The following LPCAT1 variants were observed in gnomAD, a reference collection of about 807,000 sequenced individuals.
LPCAT1 encodes the protein 1-acylglycerol-3-phosphate O-acyltransferase.
In LPCAT1, 23 loss-of-function variants were observed where a neutral mutation model predicts 60.9. The observed-to-expected ratio is 0.38, with a 90% CI of 0.27 to 0.53. The LOEUF (loss-of-function observed/expected upper bound fraction) is 0.53, where lower values mean the gene tolerates loss of function less well. Among genes scored for constraint, LPCAT1 ranks in the 20% least tolerant of loss-of-function variants. The pLI is 0.82. For synonymous variants in LPCAT1, 340 were observed against 301.1 expected, an observed-to-expected ratio of 1.13 and a Z score of -1.34; for missense variants, 622 against 723.6, an observed-to-expected ratio of 0.86 and a Z score of 1.61.
chr5:1,473,678 G>A (rs1218414584), intron 11 of LPCAT1, among the ~76,000 whole-genome samples: 3 of 152,210 alleles, frequency 2.0e-5, no homozygotes, highest in Admixed American at 6.5e-5. Context: ...CAGGCTGGGT[G>A]TCACAGTTTG....
At chr5:1,506,677 C>G (rs1161591808) in intron 1 of LPCAT1, among the ~76,000 whole-genome samples, 2 of 152,216 alleles carry the variant, frequency 1.3e-5, no homozygotes, top group Non-Finnish European at 2.9e-5. Context: ...AAAATCCTGG[C>G]TAGACCAGAA....
chr5:1,523,823 G>A lies in LPCAT1; in HGVS notation c.22C>T (p.Pro8Ser), dbSNP rs1579824516. Residue 8 changes from proline (P) to serine (S), a missense_variant, in exon 1 of 14, where the codon CCC (proline) becomes TCC (serine). Physicochemically the swap from Pro to Ser is moderately conservative, Grantham distance 74. This residue lies in a region of LPCAT1 where 125 missense variants were observed against 114.5 expected (regional missense o/e 1.09). Transcript: ENST00000283415. The surrounding 1 kb of genome is among the most constrained non-coding windows in gnomAD (Gnocchi z 7.1). MRLRGCG[P>S]RAAPASSAGA... Reference sequence around the variant, plus strand: ...GCGCTGGAGGCAGGGGCGGCCCGGGGTCCGCATCCCCGCAGCCTCATGGCC... The same window carrying A: ...GCGCTGGAGGCAGGGGCGGCCCGGGATCCGCATCCCCGCAGCCTCATGGCC... The A allele has an allele frequency of 3.7e-6, 4 of 1,084,028 alleles. No homozygotes were observed. The highest frequency in any genetic ancestry group is 1.7e-5 in the African/African-American group (1 of 58,924). The allele number at this position is 1,084,028 out of a possible 1,614,324, so 67.2% of individuals were successfully genotyped here.
intron 1 of LPCAT1, among the ~76,000 whole-genome samples, chr5:1,505,545 G>A (rs1736155798): frequency 9.6e-6 from 1 of 104,056 alleles, no homozygotes; most frequent in African/African-American, 4.8e-5. Context: ...GGGTGGGGAG[G>A]CCCCGCCTGC....
Position 1,463,924 on chromosome 5 carries a change from G to A in LPCAT1, c.1421-89C>T, listed in dbSNP as rs2911481. The stretch of plus-strand genomic sequence containing the variant: ...CTCTTTTCCCACGGCCCTGGTGGGT[G>A]TCCACCTCACGCCCTCCAGGGAGGG... On this transcript the variant is annotated intron_variant, in intron 13 of 13. Transcript: ENST00000283415. The A allele has an allele frequency of 4.8e-3, 6,516 of 1,351,522 alleles. 262 individuals carry two copies. The African/African-American group carries it at 0.085, about 18-fold the overall frequency. 83.7% of individuals were successfully genotyped at this position (1,351,522 alleles called of 1,614,324 possible).
At chr5:1,468,711 C>G (rs1364818661) in intron 12 of LPCAT1, among the ~76,000 whole-genome samples, 5 of 152,220 alleles carry the variant, frequency 3.3e-5, no homozygotes, top group East Asian at 3.8e-4. Context: ...ACAAGGGGCC[C>G]CAAGGCGTAT....
intron 1 of LPCAT1, among the ~76,000 whole-genome samples, chr5:1,509,818 G>A (rs959043608): frequency 6.6e-6 from 1 of 152,154 alleles, no homozygotes. Flanking sequence ...TGAAAAAGTG[G>A]CACCGTGAAC....
rs73735515 is a variant in LPCAT1 at position 1,522,374 on chromosome 5, C to T, written c.135+1336G>A. Among the ~76,000 whole-genome samples the T allele has an allele frequency of 0.12, 18,766 of 152,154 alleles. 1,348 individuals carry two copies. The highest frequency in any genetic ancestry group is 0.26 in the Middle Eastern group (75 of 294). On this transcript the variant is annotated intron_variant, in intron 1 of 13. Transcript: ENST00000283415. This position sits in a 1 kb window ranked among gnomAD's most constrained non-coding sequence, Gnocchi z 6.8. ...GCACACGGCAGCTGACAGCGTGTGGCAGACAGAGGGCCAGGCAGAGCGGCG... is the reference window on the plus strand; with the variant it reads ...GCACACGGCAGCTGACAGCGTGTGGTAGACAGAGGGCCAGGCAGAGCGGCG...
rs778778224 is a variant in LPCAT1, at chr5:1,495,745, G to A, written c.279-831C>T. On this transcript the variant is annotated intron_variant, in intron 2 of 13. Coordinates refer to ENST00000283415, the MANE Select transcript of LPCAT1 (RefSeq NM_024830.5). The surrounding 1 kb of genome is among the most constrained non-coding windows in gnomAD (Gnocchi z 4.7). ...CACTCGGCCACTGGGTTAAGTGGGC[G>A]CATCACACTGGGTAAAACTACTGCA... 4.6e-5 allele frequency among the ~76,000 whole-genome samples: 7 copies of A among 152,268 alleles called. No homozygotes were observed. In the South Asian group the frequency reaches 1.2e-3, roughly 27 times the overall value.
At position 1,463,689 on chromosome 5, in the gene LPCAT1, C is replaced by T. The variant is rs547466871; in HGVS notation, c.1567G>A (p.Asp523Asn). 122 of 1,614,258 alleles carry T rather than the reference C, an allele frequency of 7.6e-5. 2 individuals are homozygous for T. The South Asian group carries it at 1.3e-3, about 17-fold the overall frequency. The change falls in exon 14 of 14, where the codon GAC (aspartate) becomes AAC (asparagine). Residue 523 changes from aspartate (D) to asparagine (N), a missense_variant. Around this residue, in one of 3 missense-constraint regions of LPCAT1, gnomAD observed 288 missense variants for 283.6 expected, o/e 1.02. Coordinates refer to ENST00000283415, the MANE Select transcript of LPCAT1 (RefSeq NM_024830.5). ...TTGCGAACAGGCTTCCGCCCAGCGT[C>T]TGAGTTTTCCGGGCTGAAATCGGCA... ...FCADFSPENS[D>N]AGRKPVRKKL...
At chr5:1,490,637 CCA>C (rs1735541710) in intron 3 of LPCAT1, among the ~76,000 whole-genome samples, 1 of 152,274 alleles carries the variant, frequency 6.6e-6, no homozygotes, top group East Asian at 1.9e-4. Flanking sequence ...TAGCACAGCC[CCA>C]GTTTAACCAT....
rs1734637808 is a variant in LPCAT1 at position 1,470,818 on chromosome 5, G to A, written c.1278+8C>T. On this transcript the variant is annotated splice_region_variant and intron_variant, in intron 12 of 13. Transcript: ENST00000283415. ...CCCCAGTCAAACCCATGTGAACTCTGCACTCACCTTGAAAGCCAGCTGGAT... is the reference window on the plus strand; with the variant it reads ...CCCCAGTCAAACCCATGTGAACTCTACACTCACCTTGAAAGCCAGCTGGAT... 3.1e-6 allele frequency: 5 copies of A among 1,612,366 alleles called. No individual in the cohort carries two copies. The highest frequency in any genetic ancestry group is 1.7e-4 in the Middle Eastern group (1 of 6,046).
intron 1 of LPCAT1, among the ~76,000 whole-genome samples, chr5:1,505,349 T>A (rs1407679024): frequency 6.6e-6 from 1 of 152,120 alleles, no homozygotes; most frequent in African/African-American, 2.4e-5. Flanking sequence ...ACGGTGTTCC[T>A]GAAACAGCAC....
intron 1 of LPCAT1, among the ~76,000 whole-genome samples, chr5:1,520,230 G>A (rs1408197960): frequency 2.0e-5 from 3 of 152,266 alleles, no homozygotes; most frequent in Non-Finnish European, 4.4e-5. Flanking sequence ...ACTCAGGAGC[G>A]AGGCTGAGAG....
At position 1,496,832 on chromosome 5, in the gene LPCAT1, A is replaced by C. The variant is rs1735811985; in HGVS notation, c.279-1918T>G. The stretch of plus-strand genomic sequence containing the variant: ...CCGCTTGCTGTGGGGTTGGGGACCC[A>C]GCACCCACTCACCCCAAGGCAAAGG... On this transcript the variant is annotated intron_variant, in intron 2 of 13. Transcript: ENST00000283415. This position sits in a 1 kb window ranked among gnomAD's most constrained non-coding sequence, Gnocchi z 4.7. Among the ~76,000 whole-genome samples the C allele has an allele frequency of 6.6e-6, 1 of 152,230 alleles. No homozygotes were observed. The highest frequency in any genetic ancestry group is 1.5e-5 in the Non-Finnish European group (1 of 68,040).
At chr5:1,488,258 T>C (rs894263509) in intron 5 of LPCAT1, 133 bp downstream of exon 5, 1 of 532,748 alleles carries the variant, frequency 1.9e-6, no homozygotes, top group East Asian at 3.1e-5. Flanking sequence ...TTCTTAGGAA[T>C]ACCTCTAAGA....
intron 1 of LPCAT1, among the ~76,000 whole-genome samples, chr5:1,518,868 G>T (rs1475469634): frequency 1.3e-5 from 2 of 152,268 alleles, no homozygotes; most frequent in Non-Finnish European, 1.5e-5. Context: ...ACCACAGGCA[G>T]TGAAGGAGGC....
chr5:1,477,445 G>T lies in LPCAT1; in HGVS notation c.858C>A (p.Asn286Lys). 1.2e-6 allele frequency: 2 copies of T among 1,614,034 alleles called. No individual in the cohort carries two copies. The highest frequency in any genetic ancestry group is 1.7e-6 in the Non-Finnish European group (2 of 1,179,956). Residue 286 changes from asparagine (N) to lysine (K), a missense_variant, in exon 9 of 14, where the codon AAC becomes AAA. By Grantham distance (94) the Asn-to-Lys change is moderately conservative. This residue lies in a region of LPCAT1 where 209 missense variants were observed against 325.5 expected (regional missense o/e 0.64). Transcript: ENST00000283415. The surrounding 1 kb of genome is among the most constrained non-coding windows in gnomAD (Gnocchi z 6.0). Reference sequence around the variant, plus strand: ...GCACGTTGCTGGCATACAGCGCGGGGTTCCTCTTCTCCTCCTCAGAAGGGC... The same window carrying T: ...GCACGTTGCTGGCATACAGCGCGGGTTTCCTCTTCTCCTCCTCAGAAGGGC... ...VYSPSEEEKR[N>K]PALYASNVRR...
chr5:1,498,591 C>T (rs1180239633), intron 2 of LPCAT1, among the ~76,000 whole-genome samples: 2 of 152,088 alleles, frequency 1.3e-5, no homozygotes, highest in Non-Finnish European at 2.9e-5. Flanking sequence ...GTACATACAT[C>T]ATACATATGT....
At position 1,523,617 on chromosome 5, in the gene LPCAT1, C is replaced by A; in HGVS notation, c.135+93G>T. 1 of 894,398 alleles carries A rather than the reference C, an allele frequency of 1.1e-6. No individual in the cohort carries two copies. Among genetic ancestry groups the A allele is most frequent in the Non-Finnish European group, 1.4e-6 (1 of 739,304 alleles). The allele number at this position is 894,398 out of a possible 1,614,324, so 55.4% of individuals were successfully genotyped here. A position where few individuals can be genotyped will look rare whatever the true frequency, so the allele number is the denominator to read the frequency against. The stretch of plus-strand genomic sequence containing the variant: ...CGCAGGGCCGCGCCGCGCCCCAGGC[C>A]CCCTCCCCGGCCCCTCCTCGGCCGC... On this transcript the variant is annotated intron_variant, in intron 1 of 13. Coordinates refer to ENST00000283415, the MANE Select transcript of LPCAT1 (RefSeq NM_024830.5). This position sits in a 1 kb window ranked among gnomAD's most constrained non-coding sequence, Gnocchi z 7.1.
Sources: gnomAD v4.1 joint callset for allele counts (sites outside exome capture counted in the v4.1 genomes callset) on GRCh38, gnomAD v4.1.1 for gene constraint, gnomAD v4.1.1 regional missense constraint, Gnocchi (gnomAD v3.1) non-coding constraint, MANE v1.5 for transcripts, NCBI Gene and HGNC (gene_info 2026-07-23, HGNC 2026-07-21) for gene names.